Variants in GDPD4 observed in about 807,000 individuals in gnomAD.
GDPD4 encodes the protein glycerophosphodiester phosphodiesterase domain containing 4.
A neutral mutation model predicts 67.8 loss-of-function variants in GDPD4; 60 were observed. The ratio of observed to expected loss-of-function variants is 0.88; its 90% CI spans 0.72 to 1.10. GDPD4 has a LOEUF of 1.10. Among genes scored for constraint, GDPD4 ranks in the 50% least tolerant of loss-of-function variants. The probability of loss-of-function intolerance (pLI) is 0.00; values close to 1 mark genes in which losing one functional copy is unlikely to be tolerated. For missense variants in GDPD4, 623 were observed against 613.9 expected (o/e 1.01, Z -0.16); for synonymous variants, 212 against 210.9 (o/e 1.00, Z -0.04).
intron 4 of GDPD4, among the ~76,000 whole-genome samples, chr11:77,277,132 A>G (rs189774286): frequency 7.9e-5 from 12 of 152,030 alleles, no homozygotes; most frequent in Admixed American, 7.9e-4. Context: ...GAACCTAACT[A>G]TACCATTTCA....
In GDPD4 at chr11:77,217,034, G is replaced by A; in HGVS notation, c.*243C>T. On this transcript the variant is annotated 3_prime_UTR_variant, in exon 17 of 17. Transcript: ENST00000315938. ...GGTAGCCTCACTTGTAGCCTGCCTGGTGGGTGCTTGGGTGAGTTCAAAGAC... is the reference window on the plus strand; with the variant it reads ...GGTAGCCTCACTTGTAGCCTGCCTGATGGGTGCTTGGGTGAGTTCAAAGAC... 1 of 703,834 alleles carries A rather than the reference G, an allele frequency of 1.4e-6. No individual in the cohort carries two copies. The highest frequency in any genetic ancestry group is 2.6e-6 in the Non-Finnish European group (1 of 385,018). The allele number at this position is 703,834 out of a possible 1,614,324, so 43.6% of individuals were successfully genotyped here.
At chr11:77,256,978 A>G (rs926144457) in intron 11 of GDPD4, among the ~76,000 whole-genome samples, 1 of 152,230 alleles carries the variant, frequency 6.6e-6, no homozygotes, top group Non-Finnish European at 1.5e-5. Flanking sequence ...CCATCTGTAC[A>G]TAATTCTTCA....
At chr11:77,250,631 T>C (rs1958873045) in intron 11 of GDPD4, among the ~76,000 whole-genome samples, 1 of 152,208 alleles carries the variant, frequency 6.6e-6, no homozygotes. Context: ...AGAATGTGTA[T>C]TCCATAGCTA....
rs57989259 is a variant in GDPD4, at chr11:77,235,009, G to GTTTTTTTTTTTTTTTTT, written c.1242-1854_1242-1838dup. Among the ~76,000 whole-genome samples the GTTTTTTTTTTTTTTTTT allele has an allele frequency of 7.3e-4, 38 of 52,258 alleles. 3 individuals are homozygous for GTTTTTTTTTTTTTTTTT. The highest frequency in any genetic ancestry group is 1.1e-3 in the Non-Finnish European group (29 of 27,084). The allele number at this position is 52,258 out of a possible 152,430, so 34.3% of individuals were successfully genotyped here. A position where few individuals can be genotyped will look rare whatever the true frequency, so the allele number is the denominator to read the frequency against. On this transcript the variant is annotated intron_variant, in intron 13 of 16. Coordinates refer to ENST00000315938, the MANE Select transcript of GDPD4 (RefSeq NM_182833.3). Reference sequence around the variant, plus strand: ...TCTCTCTGCAACCTTGTCAATATCTGTTTTTTTTTTTTTTTTTTTTTTTTT... The same window carrying GTTTTTTTTTTTTTTTTT: ...TCTCTCTGCAACCTTGTCAATATCTGTTTTTTTTTTTTTTTTTTTTTTTTTTTTTTTTTTTTTTTTTT...
At chr11:77,293,437 A>T (rs1057505602) in intron 1 of GDPD4, among the ~76,000 whole-genome samples, 1 of 152,076 alleles carries the variant, frequency 6.6e-6, no homozygotes, top group Non-Finnish European at 1.5e-5. Flanking sequence ...CCACAAAAAA[A>T]TACAAAAATT....
Position 77,276,036 on chromosome 11 carries a change from T to C in GDPD4, c.207+125A>G. 4.4e-6 allele frequency: 3 copies of C among 680,138 alleles called. No homozygotes were observed. The South Asian group carries it at 5.4e-5, about 12-fold the overall frequency. 42.1% of individuals were successfully genotyped at this position (680,138 alleles called of 1,614,324 possible). A position where few individuals can be genotyped will look rare whatever the true frequency, so the allele number is the denominator to read the frequency against. On this transcript the variant is annotated intron_variant, in intron 5 of 16. Transcript: ENST00000315938. ...ATATGGTGTAAGTAAATCTCTTCTCTCCAAGGAGAACAGTAACAGAGAGGG... is the reference window on the plus strand; with the variant it reads ...ATATGGTGTAAGTAAATCTCTTCTCCCCAAGGAGAACAGTAACAGAGAGGG...
intron 16 of GDPD4, among the ~76,000 whole-genome samples, chr11:77,219,754 C>CAATA (rs1555113019): frequency 6.6e-6 from 1 of 151,508 alleles, no homozygotes; most frequent in Admixed American, 6.6e-5. Context: ...GTTTTGGTAC[C>CAATA]AGTACCATGC....
At chr11:77,282,112 G>T (rs1373412558) in intron 3 of GDPD4, among the ~76,000 whole-genome samples, 4 of 152,126 alleles carry the variant, frequency 2.6e-5, no homozygotes, top group African/African-American at 9.7e-5. Flanking sequence ...GAAGTTATAA[G>T]TGTCTGAAGA....
chr11:77,284,935 G>A (rs1360774080), intron 3 of GDPD4, 150 bp downstream of exon 3: 21 of 646,276 alleles, frequency 3.2e-5, no homozygotes, highest in Non-Finnish European at 4.4e-5. Context: ...CTGCCCCAGA[G>A]GCAGGCCTCT....
intron 5 of GDPD4, 27 bp from the exon 6 acceptor site, chr11:77,271,420 G>C (rs1959223712): frequency 7.1e-7 from 1 of 1,403,260 alleles, no homozygotes; most frequent in Non-Finnish European, 1.0e-6. Flanking sequence ...AAAATCTCCT[G>C]ACTTCAAGCA....
At position 77,249,264 on chromosome 11, in the gene GDPD4, CAA is replaced by C. The variant is rs34998852; in HGVS notation, c.865-3764_865-3763del. On this transcript the variant is annotated intron_variant, in intron 11 of 16. Coordinates refer to ENST00000315938, the MANE Select transcript of GDPD4 (RefSeq NM_182833.3). ...CTGGCAACAGACCGAGACTCCATCT[CAA>C]AAAAAAAAAAAAAAAAAATTAGCAA... Among the ~76,000 whole-genome samples, 295 of 77,752 alleles carry C rather than the reference CAA, an allele frequency of 3.8e-3. 1 individual carries two copies. The highest frequency in any genetic ancestry group is 0.011 in the African/African-American group (222 of 19,880). The allele number at this position is 77,752 out of a possible 152,430, so 51.0% of individuals were successfully genotyped here.
intron 14 of GDPD4, 103 bp from the exon 15 acceptor site, chr11:77,229,335 G>A: frequency 1.5e-6 from 1 of 670,744 alleles, no homozygotes; most frequent in Non-Finnish European, 2.6e-6. Context: ...AGGAGGAGAG[G>A]AAGAGGGGAT....
rs140021398 is a variant in GDPD4 at position 77,276,179 on chromosome 11, G to T, written c.189C>A (p.Tyr63Ter). ...GTCCTACCTTATGACACAAGTGCAGGTATAGTTCAATCCTTTCCCAAAGCA... is the reference window on the plus strand; with the variant it reads ...GTCCTACCTTATGACACAAGTGCAGTTATAGTTCAATCCTTTCCCAAAGCA... The part of the protein sequence containing the change: ...FLLLWERIEL[Y>*]LHLCHKILIL... Residue 63 changes from tyrosine to a stop codon, truncating the protein, a stop_gained, in exon 5 of 17, where the codon TAC (tyrosine) becomes TAA (stop). Transcript: ENST00000315938. LOFTEE classifies it high-confidence loss of function. 12 of 1,613,202 alleles carry T rather than the reference G, an allele frequency of 7.4e-6. No individual in the cohort carries two copies. The African/African-American group carries it at 1.2e-4, about 16-fold the overall frequency.
At chr11:77,279,262 G>A in intron 4 of GDPD4, 44 bp downstream of exon 4, 1 of 1,258,274 alleles carries the variant, frequency 7.9e-7, no homozygotes, top group East Asian at 2.3e-5. Context: ...CACCTCATCA[G>A]GCTACTCAGG....
intron 13 of GDPD4, among the ~76,000 whole-genome samples, chr11:77,236,763 C>T (rs890027097): frequency 4.6e-5 from 7 of 151,874 alleles, no homozygotes; most frequent in African/African-American, 9.7e-5. Context: ...AATCAACAAT[C>T]GCAATTACAG....
In GDPD4 at chr11:77,285,149, C is replaced by T. The variant is rs778096325; in HGVS notation, c.-12G>A. The T allele has an allele frequency of 6.2e-7, 1 of 1,606,696 alleles. No individual in the cohort carries two copies. The highest frequency in any genetic ancestry group is 8.5e-7 in the Non-Finnish European group (1 of 1,174,110). ...AGGAACAGCAACATCAGAGACAAGA[C>T]AAATGAAATTACCAGGCACGGCAAA... On this transcript the variant is annotated 5_prime_UTR_variant, in exon 3 of 17. Coordinates refer to ENST00000315938, the MANE Select transcript of GDPD4 (RefSeq NM_182833.3).
chr11:77,264,035 T>C (rs554780833), intron 10 of GDPD4, among the ~76,000 whole-genome samples: 1 of 152,138 alleles, frequency 6.6e-6, no homozygotes, highest in Non-Finnish European at 1.5e-5. Flanking sequence ...AGGATCTGTG[T>C]GTTTCTGCAA....
At chr11:77,237,475 C>T (rs1205291824) in intron 13 of GDPD4, among the ~76,000 whole-genome samples, 6 of 152,108 alleles carry the variant, frequency 3.9e-5, no homozygotes, top group Non-Finnish European at 8.8e-5. Context: ...GAATACTACA[C>T]CCAACAACTG....
intron 16 of GDPD4, among the ~76,000 whole-genome samples, chr11:77,221,067 T>C (rs970569747): frequency 6.6e-6 from 1 of 151,444 alleles, no homozygotes; most frequent in Non-Finnish European, 1.5e-5. Flanking sequence ...TCTCTGATGG[T>C]AGTTTGTATT....
Sources: gnomAD v4.1 joint callset for allele counts (sites outside exome capture counted in the v4.1 genomes callset) on GRCh38, gnomAD v4.1.1 for gene constraint, MANE v1.5 for transcripts, NCBI Gene and HGNC (gene_info 2026-07-23, HGNC 2026-07-21) for gene names.